The following PAPPA2 variants were observed in gnomAD, a reference collection of about 807,000 sequenced individuals.
The protein encoded by PAPPA2 is pappalysin 2.
PAPPA2 carries 86 observed loss-of-function variants against 176.4 expected under a neutral mutation model. The observed-to-expected ratio is 0.49, with a 90% CI of 0.41 to 0.58. PAPPA2 has a LOEUF of 0.58. PAPPA2 is among the 20% of genes least tolerant of loss of function. The probability of loss-of-function intolerance (pLI) is 0.00; values close to 1 mark genes in which losing one functional copy is unlikely to be tolerated. For missense variants in PAPPA2, 2,073 were observed against 2,256.9 expected (o/e 0.92, Z 1.65); for synonymous variants, 809 against 852.2 (o/e 0.95, Z 0.88).
chr1:176,717,430 T>G (rs1178381155), intron 12 of PAPPA2, among the ~76,000 whole-genome samples: 1 of 152,252 alleles, frequency 6.6e-6, no homozygotes, highest in Non-Finnish European at 1.5e-5. Context: ...CAGAAAGTTC[T>G]GAATAGCCAT....
intron 1 of PAPPA2, among the ~76,000 whole-genome samples, chr1:176,495,445 C>T (rs1167645953): frequency 6.6e-6 from 1 of 150,736 alleles, no homozygotes; most frequent in Non-Finnish European, 1.5e-5. Context: ...GAGGCTGAGG[C>T]AGCAGAATCG....
intron 1 of PAPPA2, among the ~76,000 whole-genome samples, chr1:176,555,019 GA>G (rs1651191084): frequency 1.3e-5 from 2 of 151,680 alleles, no homozygotes; most frequent in Non-Finnish European, 2.9e-5. Context: ...GAGAGAGAGA[GA>G]GAGGGAGAAT....
At chr1:176,798,667 G>A (rs1665546195) in intron 20 of PAPPA2, among the ~76,000 whole-genome samples, 1 of 152,182 alleles carries the variant, frequency 6.6e-6, no homozygotes, top group Non-Finnish European at 1.5e-5. Flanking sequence ...CTGTTGATAT[G>A]CAAATGGTTC....
intron 12 of PAPPA2, among the ~76,000 whole-genome samples, chr1:176,723,693 A>C (rs934635974): frequency 3.9e-5 from 6 of 152,016 alleles, no homozygotes; most frequent in African/African-American, 1.4e-4. Context: ...TTACTTGCCC[A>C]AAAAAAATTC....
intron 21 of PAPPA2, among the ~76,000 whole-genome samples, chr1:176,819,374 CTG>C (rs1666562628): frequency 1.3e-5 from 2 of 152,062 alleles, no homozygotes; most frequent in Non-Finnish European, 2.9e-5. Flanking sequence ...TACTGGGACT[CTG>C]GGGATGAGGA....
At chr1:176,752,309 A>G (rs576112982) in intron 14 of PAPPA2, among the ~76,000 whole-genome samples, 1 of 136,856 alleles carries the variant, frequency 7.3e-6, no homozygotes, top group Non-Finnish European at 1.6e-5. Flanking sequence ...AACCTGCACA[A>G]TGTGCACATG....
In PAPPA2 at chr1:176,517,709, T is replaced by C. The variant is rs139817697; in HGVS notation, c.-916-37698T>C. On this transcript the variant is annotated intron_variant, in intron 1 of 22. Coordinates refer to ENST00000367662, the MANE Select transcript of PAPPA2 (RefSeq NM_020318.3). ...CATTTAAGAAAGTTGCATTGACTTT[T>C]CACCTCACTTTGGAATCACTCACCA... 3.0e-3 allele frequency among the ~76,000 whole-genome samples: 463 copies of C among 152,292 alleles called. 2 individuals carry two copies. The highest frequency in any genetic ancestry group is 0.011 in the African/African-American group (437 of 41,562).
chr1:176,654,214 C>G (rs1204861456), intron 3 of PAPPA2, among the ~76,000 whole-genome samples: 1 of 151,520 alleles, frequency 6.6e-6, no homozygotes, highest in East Asian at 2.0e-4. Flanking sequence ...GTTAATCCAT[C>G]CTGAGTTGAT....
chr1:176,506,097 T>A (rs1025418864), intron 1 of PAPPA2, among the ~76,000 whole-genome samples: 1 of 152,124 alleles, frequency 6.6e-6, no homozygotes, highest in East Asian at 1.9e-4. Context: ...ATTTATTGAA[T>A]AAGGAGTCCC....
chr1:176,788,064 A>T (rs1216021477), intron 17 of PAPPA2, among the ~76,000 whole-genome samples: 2 of 152,158 alleles, frequency 1.3e-5, no homozygotes, highest in Middle Eastern at 3.4e-3. Context: ...CCATCTCAGA[A>T]AAAAAAAGAA....
rs545225146 is a variant in PAPPA2 at position 176,556,190 on chromosome 1, T to A, written c.-133T>A. The A allele has an allele frequency of 9.2e-7, 1 of 1,092,308 alleles. No homozygotes were observed. The highest frequency in any genetic ancestry group is 1.5e-5 in the South Asian group (1 of 64,712). 67.7% of individuals were successfully genotyped at this position (1,092,308 alleles called of 1,614,324 possible). A position where few individuals can be genotyped will look rare whatever the true frequency, so the allele number is the denominator to read the frequency against. On this transcript the variant is annotated 5_prime_UTR_variant, in exon 2 of 23. Transcript: ENST00000367662. ...GCATTCTTGGGGCTATTTGAAAAAG[T>A]TTGGTCTGTGAACAAAACAGTTTCC...
At chr1:176,652,502 A>G (rs1330302625) in intron 3 of PAPPA2, among the ~76,000 whole-genome samples, 2 of 151,642 alleles carry the variant, frequency 1.3e-5, no homozygotes, top group African/African-American at 4.8e-5. Flanking sequence ...GTGTGGGAAA[A>G]CTGGCTAGGG....
chr1:176,707,534 C>T (rs895977648), intron 10 of PAPPA2, among the ~76,000 whole-genome samples: 6 of 152,152 alleles, frequency 3.9e-5, no homozygotes, highest in Non-Finnish European at 7.4e-5. Flanking sequence ...ATGCCTCCTA[C>T]CAAAGCATGA....
At chr1:176,471,094 AGGAAG>A (rs1383734414) in intron 1 of PAPPA2, among the ~76,000 whole-genome samples, 1 of 152,316 alleles carries the variant, frequency 6.6e-6, no homozygotes, top group Admixed American at 6.5e-5. Flanking sequence ...AGAAGAACAC[AGGAAG>A]GGAAGTGTTT....
chr1:176,783,275 C>T (rs771854352), intron 17 of PAPPA2, among the ~76,000 whole-genome samples: 62 of 152,072 alleles, frequency 4.1e-4, no homozygotes, highest in Non-Finnish European at 6.2e-4. Context: ...GAGGGAGTAC[C>T]CACTGGAGAC....
Position 176,779,515 on chromosome 1 carries a change from CACACAGAG to C in PAPPA2, c.4715+8337_4715+8344del, listed in dbSNP as rs1388072508. Among the ~76,000 whole-genome samples the C allele has an allele frequency of 8.8e-4, 102 of 116,284 alleles. No individual in the cohort carries two copies. In the Middle Eastern group the frequency reaches 0.016, roughly 18 times the overall value. The allele number at this position is 116,284 out of a possible 152,430, so 76.3% of individuals were successfully genotyped here. On this transcript the variant is annotated intron_variant, in intron 17 of 22. Transcript: ENST00000367662. Reference sequence around the variant, plus strand: ...ACACACACACACACACACACACACACACACAGAGAGAGAGAGAGAGAGAGAGGAGTGTG... The same window carrying C: ...ACACACACACACACACACACACACACAGAGAGAGAGAGAGAGAGGAGTGTG...
chr1:176,665,965 G>C (rs150888244), intron 3 of PAPPA2, among the ~76,000 whole-genome samples: 1 of 152,180 alleles, frequency 6.6e-6, no homozygotes, highest in Non-Finnish European at 1.5e-5. Flanking sequence ...TTAGAGGAGA[G>C]GTAGGAGTAG....
intron 3 of PAPPA2, among the ~76,000 whole-genome samples, chr1:176,647,142 G>A (rs1303710465): frequency 6.6e-6 from 1 of 151,502 alleles, no homozygotes; most frequent in East Asian, 1.9e-4. Context: ...GTATTGATTT[G>A]CATTTCTTTG....
chr1:176,506,873 A>G (rs1484297989), intron 1 of PAPPA2, among the ~76,000 whole-genome samples: 1 of 152,148 alleles, frequency 6.6e-6, no homozygotes, highest in Admixed American at 6.6e-5. Context: ...CCCTCTTGAC[A>G]TTGGTCTTGG....
Sources: allele counts gnomAD v4.1 joint callset (sites outside exome capture counted in the v4.1 genomes callset), GRCh38; gene constraint gnomAD v4.1.1; transcripts MANE v1.5; gene names NCBI Gene and HGNC (gene_info 2026-07-23, HGNC 2026-07-21).